Variants in FGF9 observed in about 807,000 individuals in gnomAD.
FGF9 encodes fibroblast growth factor 9.
In FGF9, 3 loss-of-function variants were observed where a neutral mutation model predicts 19.9. That is an observed-to-expected ratio of 0.15 (90% CI 0.07 to 0.39). The LOEUF (loss-of-function observed/expected upper bound fraction) is 0.39, where lower values mean the gene tolerates loss of function less well. Ranked by LOEUF, FGF9 falls within the 10% of genes least tolerant of loss-of-function variation. The pLI is 1.00. For missense variants in FGF9, 175 were observed against 256.8 expected (o/e 0.68, Z 2.18); for synonymous variants, 107 against 106.9 (o/e 1.00, Z -0.01).
In FGF9 at chr13:21,701,415, G is replaced by T; in HGVS notation, c.607G>T (p.Asp203Tyr). ...CGACAAAGTACCTGAACTGTATAAGGATATTCTAAGCCAAAGTTGACAAAG... is the reference window on the plus strand; with the variant it reads ...CGACAAAGTACCTGAACTGTATAAGTATATTCTAAGCCAAAGTTGACAAAG... ...DPDKVPELYK[D>Y]ILSQS is the part of the protein sequence containing the mutation. The change falls in exon 3 of 3, where the codon GAT becomes TAT. Residue 203 changes from aspartate to tyrosine, a missense_variant. Around this residue, in one of 3 missense-constraint regions of FGF9, gnomAD observed 101 missense variants for 160.7 expected, o/e 0.63. Coordinates refer to ENST00000382353, the MANE Select transcript of FGF9 (RefSeq NM_002010.3). 1 of 1,613,932 alleles carries T rather than the reference G, an allele frequency of 6.2e-7. No homozygotes were observed. The highest frequency in any genetic ancestry group is 8.5e-7 in the Non-Finnish European group (1 of 1,179,960).
At chr13:21,675,293 G>A (rs959261173) in intron 1 of FGF9, among the ~76,000 whole-genome samples, 2 of 152,102 alleles carry the variant, frequency 1.3e-5, no homozygotes, top group Non-Finnish European at 2.9e-5. Flanking sequence ...GCAGTGAGAA[G>A]CGGGCCCCCG....
In FGF9 at chr13:21,689,375, C is replaced by T. The variant is rs532880979; in HGVS notation, c.381+8230C>T. Among the ~76,000 whole-genome samples, 35 of 152,220 alleles carry T rather than the reference C, an allele frequency of 2.3e-4. No homozygotes were observed. In the South Asian group the frequency reaches 5.0e-3, roughly 22 times the overall value. On this transcript the variant is annotated intron_variant, in intron 2 of 2. Transcript: ENST00000382353. Reference sequence around the variant, plus strand: ...CCATGGTCCTGCCAGTGCTTAAAACCGAGTCTTGCATGCACTTGGCACCTA... The same window carrying T: ...CCATGGTCCTGCCAGTGCTTAAAACTGAGTCTTGCATGCACTTGGCACCTA...
intron 2 of FGF9, among the ~76,000 whole-genome samples, chr13:21,695,069 C>A (rs935158763): frequency 1.4e-5 from 2 of 143,388 alleles, no homozygotes; most frequent in Admixed American, 1.4e-4. Context: ...AAGATGTGTG[C>A]GTGTGTGTGT....
intron 2 of FGF9, among the ~76,000 whole-genome samples, chr13:21,684,939 G>A (rs1194623242): frequency 6.6e-6 from 1 of 152,218 alleles, no homozygotes; most frequent in Non-Finnish European, 1.5e-5. Flanking sequence ...TCCTCCAGCA[G>A]GTGAGGGGGA....
chr13:21,680,943 C>G (rs1565949620), intron 1 of FGF9, 99 bp from the exon 2 acceptor site: 4 of 823,344 alleles, frequency 4.9e-6, no homozygotes, highest in Non-Finnish European at 8.4e-6. Flanking sequence ...AAGTGGGGAG[C>G]TGGGCTTAGT....
chr13:21,698,348 T>C (rs1565954106), intron 2 of FGF9, among the ~76,000 whole-genome samples: 1 of 152,244 alleles, frequency 6.6e-6, no homozygotes, highest in Admixed American at 6.5e-5. Flanking sequence ...ATTCAGGTTC[T>C]AAGATGTTAA....
chr13:21,671,321 C>G lies in FGF9; in HGVS notation c.-592C>G. ...CTTCTTTTTGTTTTATTATTATTATCATTTTTTGGAGGGGGGACCGGGAGG... is the reference window on the plus strand; with the variant it reads ...CTTCTTTTTGTTTTATTATTATTATGATTTTTTGGAGGGGGGACCGGGAGG... On this transcript the variant is annotated 5_prime_UTR_variant, in exon 1 of 3. In the 5' UTR this introduces an upstream ATG that the reference lacks. Coordinates refer to ENST00000382353, the MANE Select transcript of FGF9 (RefSeq NM_002010.3). 2.6e-6 allele frequency: 1 copy of G among 379,878 alleles called. No homozygotes were observed. Among genetic ancestry groups the G allele is most frequent in the Non-Finnish European group, 4.6e-6 (1 of 215,546 alleles). 23.5% of individuals were successfully genotyped at this position (379,878 alleles called of 1,614,324 possible). A position where few individuals can be genotyped will look rare whatever the true frequency, so the allele number is the denominator to read the frequency against.
In FGF9 at chr13:21,702,882, G is replaced by A. The variant is rs1462390637; in HGVS notation, c.*1447G>A. On this transcript the variant is annotated 3_prime_UTR_variant, in exon 3 of 3. Coordinates refer to ENST00000382353, the MANE Select transcript of FGF9 (RefSeq NM_002010.3). ...GTATTATACTTGTTGACTGTGTTTT[G>A]TTTTTTAAAATGGTCTCCACAAGCG... The A allele has an allele frequency of 6.6e-6, 1 of 152,128 alleles. No individual in the cohort carries two copies. Among genetic ancestry groups the A allele is most frequent in the Non-Finnish European group, 1.5e-5 (1 of 67,992 alleles). 9.4% of individuals were successfully genotyped at this position (152,128 alleles called of 1,614,324 possible).
At chr13:21,683,807 T>C (rs1872096201) in intron 2 of FGF9, among the ~76,000 whole-genome samples, 1 of 152,208 alleles carries the variant, frequency 6.6e-6, no homozygotes, top group Non-Finnish European at 1.5e-5. Flanking sequence ...CAATCCATTC[T>C]CCACACTGAT....
intron 2 of FGF9, among the ~76,000 whole-genome samples, chr13:21,683,844 A>G (rs1872097112): frequency 6.6e-6 from 1 of 152,232 alleles, no homozygotes; most frequent in African/African-American, 2.4e-5. Context: ...AAACCCAGAC[A>G]GGAGTGTCAC....
At chr13:21,698,535 A>G (rs1872467757) in intron 2 of FGF9, among the ~76,000 whole-genome samples, 1 of 152,206 alleles carries the variant, frequency 6.6e-6, no homozygotes, top group African/African-American at 2.4e-5. Flanking sequence ...AAAGCCCTGC[A>G]GCTAGTGACG....
At chr13:21,695,813 A>G (rs1487055454) in intron 2 of FGF9, among the ~76,000 whole-genome samples, 1 of 152,216 alleles carries the variant, frequency 6.6e-6, no homozygotes, top group Non-Finnish European at 1.5e-5. Context: ...TGGGACCTCT[A>G]CAGTGAAGTC....
intron 2 of FGF9, among the ~76,000 whole-genome samples, chr13:21,684,844 GT>G (rs1031431531): frequency 1.3e-5 from 2 of 152,210 alleles, no homozygotes; most frequent in Non-Finnish European, 2.9e-5. Flanking sequence ...CACACAAAAT[GT>G]TTGTGCAGTG....
Position 21,671,989 on chromosome 13 carries a change from C to G in FGF9, c.77C>G (p.Pro26Arg), listed in dbSNP as rs1871779721. The G allele has an allele frequency of 1.9e-6, 3 of 1,614,166 alleles. No individual in the cohort carries two copies. The highest frequency in any genetic ancestry group is 2.5e-6 in the Non-Finnish European group (3 of 1,180,036). Reference sequence around the variant, plus strand: ...CCGTTTGGGAATGTGCCCGTGTTGCCGGTGGACAGCCCGGTTTTGTTAAGT... The same window carrying G: ...CCGTTTGGGAATGTGCCCGTGTTGCGGGTGGACAGCCCGGTTTTGTTAAGT... ...AVPFGNVPVLPVDSPVLLSDH... is the reference protein window; with the variant it reads ...AVPFGNVPVLRVDSPVLLSDH... The change falls in exon 1 of 3, where the codon CCG (proline) becomes CGG (arginine). Residue 26 changes from proline to arginine, a missense_variant. By Grantham distance (103) the Pro-to-Arg change is moderately radical. Transcript: ENST00000382353.
intron 1 of FGF9, among the ~76,000 whole-genome samples, chr13:21,676,705 C>T (rs1593090964): frequency 6.6e-6 from 1 of 152,318 alleles, no homozygotes; most frequent in Non-Finnish European, 1.5e-5. Context: ...CCCCTCTCGA[C>T]AGTCTGCCTA....
At chr13:21,679,688 C>T (rs1408124720) in intron 1 of FGF9, among the ~76,000 whole-genome samples, 1 of 150,788 alleles carries the variant, frequency 6.6e-6, no homozygotes, top group Non-Finnish European at 1.5e-5. Flanking sequence ...CCTGTAATCC[C>T]AGCACTTTGG....
At chr13:21,678,024 G>A (rs114285048) in intron 1 of FGF9, among the ~76,000 whole-genome samples, 60 of 152,222 alleles carry the variant, frequency 3.9e-4, no homozygotes, top group African/African-American at 1.3e-3. Flanking sequence ...ATCTGTTTAC[G>A]TGTTCTTCTT....
In FGF9 at chr13:21,681,226, C is replaced by T. The variant is rs559464295; in HGVS notation, c.381+81C>T. On this transcript the variant is annotated intron_variant, in intron 2 of 2. Transcript: ENST00000382353. ...GTCTTTTCTCTGGATTAAAAAGGGC[C>T]AGAAATGCAACTGAGTCTGTTTGGA... The T allele has an allele frequency of 5.6e-6, 6 of 1,062,308 alleles. No homozygotes were observed. The African/African-American group carries it at 7.7e-5, about 14-fold the overall frequency. The allele number at this position is 1,062,308 out of a possible 1,614,324, so 65.8% of individuals were successfully genotyped here.
rs568446981 is a variant in FGF9, at chr13:21,702,145, C to G, written c.*710C>G. On this transcript the variant is annotated 3_prime_UTR_variant, in exon 3 of 3. Transcript: ENST00000382353. ...AGATAGGCATTTTGGAAGCTTTAGG[C>G]TCTGTAAGCATTAAATGGCAAAGTC... is the stretch of plus-strand genomic sequence containing the variant. The G allele has an allele frequency of 1.3e-5, 2 of 151,978 alleles. No homozygotes were observed. The highest frequency in any genetic ancestry group is 1.3e-4 in the Admixed American group (2 of 15,280). The allele number at this position is 151,978 out of a possible 1,614,324, so 9.4% of individuals were successfully genotyped here. A position where few individuals can be genotyped will look rare whatever the true frequency, so the allele number is the denominator to read the frequency against.
Sources: gnomAD v4.1 joint callset for allele counts (sites outside exome capture counted in the v4.1 genomes callset) on GRCh38, gnomAD v4.1.1 for gene constraint, gnomAD v4.1.1 regional missense constraint, MANE v1.5 for transcripts, NCBI Gene and HGNC (gene_info 2026-07-23, HGNC 2026-07-21) for gene names.